Variants in PPP2R5C observed in about 807,000 individuals in gnomAD.
PPP2R5C encodes the protein serine/threonine-protein phosphatase 2A 56 kDa regulatory subunit gamma isoform.
PPP2R5C carries 7 observed loss-of-function variants against 68.9 expected under a neutral mutation model. The observed-to-expected ratio is 0.10, with a 90% CI of 0.06 to 0.19. The LOEUF is 0.19. Ranked by LOEUF, PPP2R5C falls within the 10% of genes least tolerant of loss-of-function variation. PPP2R5C has a pLI of 1.00. For missense variants in PPP2R5C, 348 were observed against 641.3 expected, an observed-to-expected ratio of 0.54 and a Z score of 4.94; for synonymous variants, 210 against 222.2, an observed-to-expected ratio of 0.95 and a Z score of 0.49.
At chr14:101,857,912 T>A (rs1002024402) in intron 2 of PPP2R5C, among the ~76,000 whole-genome samples, 1 of 152,230 alleles carries the variant, frequency 6.6e-6, no homozygotes, top group Non-Finnish European at 1.5e-5. Context: ...TTTATTTCCT[T>A]CTTTAGTATG....
chr14:101,896,578 A>G (rs2045342063), intron 8 of PPP2R5C, among the ~76,000 whole-genome samples: 2 of 150,858 alleles, frequency 1.3e-5, no homozygotes, highest in African/African-American at 2.4e-5. Context: ...TACAAAAAAT[A>G]CAAAAATTAG....
intron 2 of PPP2R5C, among the ~76,000 whole-genome samples, chr14:101,866,863 C>T (rs2043101668): frequency 6.6e-6 from 1 of 152,072 alleles, no homozygotes; most frequent in Admixed American, 6.5e-5. Flanking sequence ...AGGAGGATCA[C>T]TTGAGATCAG....
chr14:101,762,825 T>C, intron 1 of PPP2R5C, 80 bp from the exon 2 acceptor site: 1 of 1,193,426 alleles, frequency 8.4e-7, no homozygotes, highest in South Asian at 1.3e-5. Context: ...TAAATCACTT[T>C]TAAAACTGCA....
At chr14:101,839,081 GT>G (rs2041299788) in intron 1 of PPP2R5C, 12 of 150,784 alleles carry the variant, frequency 8.0e-5, no homozygotes, top group African/African-American at 2.7e-4. Flanking sequence ...GCCGGGTGCG[GT>G]GGCTCATGCC....
chr14:101,889,951 G>A (rs1357378992), intron 5 of PPP2R5C: 4 of 537,448 alleles, frequency 7.4e-6, no homozygotes, highest in East Asian at 9.1e-5. Context: ...TGAAATGGGT[G>A]TTCACTGTAG....
At chr14:101,851,544 G>C (rs1419714803) in intron 1 of PPP2R5C, among the ~76,000 whole-genome samples, 1 of 152,170 alleles carries the variant, frequency 6.6e-6, no homozygotes, top group Non-Finnish European at 1.5e-5. Flanking sequence ...AATATTACGT[G>C]AGTGACCAGG....
At position 101,916,807 on chromosome 14, in the gene PPP2R5C, C is replaced by G. The variant is rs1439146967; in HGVS notation, c.1327-1024C>G. On this transcript the variant is annotated intron_variant, in intron 12 of 13. Coordinates refer to ENST00000334743, the Ensembl canonical transcript of PPP2R5C. The surrounding 1 kb of genome is among the most constrained non-coding windows in gnomAD (Gnocchi z 5.5). ...AAAGAGGCCGAAGCTGTGGGACTCACTGGGCAGAGAATGGAGGGGTGTGGA... is the reference window on the plus strand; with the variant it reads ...AAAGAGGCCGAAGCTGTGGGACTCAGTGGGCAGAGAATGGAGGGGTGTGGA... Among the ~76,000 whole-genome samples the G allele has an allele frequency of 6.6e-6, 1 of 152,092 alleles. No homozygotes were observed. The highest frequency in any genetic ancestry group is 2.1e-4 in the South Asian group (1 of 4,826).
At chr14:101,912,270 G>A in intron 11 of PPP2R5C, 131 bp from the exon 14 acceptor site, 4 of 613,182 alleles carry the variant, frequency 6.5e-6, no homozygotes, top group Non-Finnish European at 1.1e-5. Flanking sequence ...GCACGTAAGT[G>A]TGGGGAAATG....
At position 101,762,892 on chromosome 14, in the gene PPP2R5C, T is replaced by G; in HGVS notation, c.28-13T>G. On this transcript the variant is annotated splice_polypyrimidine_tract_variant and intron_variant, in intron 1 of 14. Coordinates refer to the PPP2R5C transcript ENST00000328724. ...AGTGAGAAGACTAATTGACTTTGCT[T>G]GATGTTTACCAGGAATCACCAAAAG... is the stretch of plus-strand genomic sequence containing the variant. 1 of 1,576,324 alleles carries G rather than the reference T, an allele frequency of 6.3e-7. No homozygotes were observed. Among genetic ancestry groups the G allele is most frequent in the Non-Finnish European group, 8.6e-7 (1 of 1,159,872 alleles).
At chr14:101,873,825 A>T (rs1479711141) in intron 2 of PPP2R5C, among the ~76,000 whole-genome samples, 2 of 152,122 alleles carry the variant, frequency 1.3e-5, no homozygotes, top group Non-Finnish European at 2.9e-5. Flanking sequence ...AAAATCTATC[A>T]AGGCAGGAGC....
At chr14:101,914,912 G>A (rs2046579850) in intron 12 of PPP2R5C, among the ~76,000 whole-genome samples, 1 of 152,206 alleles carries the variant, frequency 6.6e-6, no homozygotes, top group East Asian at 1.9e-4. Context: ...GCACTTCTGT[G>A]AGACTCAGAG....
rs3993402 is a variant in PPP2R5C at position 101,771,222 on chromosome 14, C to CGTGTGTGTGTGTGTGT, written c.93+8279_93+8294dup. Among the ~76,000 whole-genome samples, 43 of 135,488 alleles carry CGTGTGTGTGTGTGTGT rather than the reference C, an allele frequency of 3.2e-4. 1 individual carries two copies. Among genetic ancestry groups the CGTGTGTGTGTGTGTGT allele is most frequent in the East Asian group, 1.1e-3 (5 of 4,360 alleles). The allele number at this position is 135,488 out of a possible 152,430, so 88.9% of individuals were successfully genotyped here. A position where few individuals can be genotyped will look rare whatever the true frequency, so the allele number is the denominator to read the frequency against. ...AGGGCATTTGGCTTTTTCTTCATCT[C>CGTGTGTGTGTGTGTGT]GTGTGTGTGTGTGTGTGTGTGTGTG... On this transcript the variant is annotated intron_variant, in intron 2 of 14. Transcript: ENST00000328724.
At chr14:101,816,073 T>G (rs2039648044) in intron 1 of PPP2R5C, among the ~76,000 whole-genome samples, 1 of 152,236 alleles carries the variant, frequency 6.6e-6, no homozygotes, top group Non-Finnish European at 1.5e-5. Flanking sequence ...GTAGTTAACG[T>G]ATTTCAATGA....
chr14:101,790,705 G>A (rs966389170), intron 3 of PPP2R5C, among the ~76,000 whole-genome samples: 7 of 152,230 alleles, frequency 4.6e-5, no homozygotes, highest in South Asian at 2.1e-4. Flanking sequence ...AGAAGTCTGT[G>A]CGAGCAGATA....
intron 2 of PPP2R5C, among the ~76,000 whole-genome samples, chr14:101,771,759 A>T (rs979892959): frequency 6.6e-6 from 1 of 151,992 alleles, no homozygotes; most frequent in African/African-American, 2.4e-5. Context: ...CCCCCAAGAG[A>T]TTAATTTCAG....
intron 1 of PPP2R5C, chr14:101,819,123 T>A: frequency 6.8e-7 from 1 of 1,481,072 alleles, no homozygotes; most frequent in Non-Finnish European, 9.2e-7. Flanking sequence ...GTGTTTACAT[T>A]TGTAGACAGT....
intron 1 of PPP2R5C, among the ~76,000 whole-genome samples, chr14:101,841,990 C>T (rs1296993767): frequency 2.6e-5 from 4 of 152,116 alleles, no homozygotes; most frequent in Admixed American, 6.5e-5. Context: ...GTCCAGCTCA[C>T]GGAGGCCCCC....
chr14:101,787,726 C>CA (rs1431493570), intron 3 of PPP2R5C, among the ~76,000 whole-genome samples: 1 of 145,090 alleles, frequency 6.9e-6, no homozygotes, highest in Admixed American at 7.1e-5. Context: ...GAGATCGTGC[C>CA]ACTGCACTCC....
Position 101,777,611 on chromosome 14 carries a change from A to C in PPP2R5C, c.94-8407A>C, listed in dbSNP as rs1015676842. On this transcript the variant is annotated intron_variant, in intron 2 of 14. Coordinates refer to the PPP2R5C transcript ENST00000328724. ...GTGATCCACCCATCTCGGCCTCCCA[A>C]GGTGCTGGGATTACAAGCTTGAGCC... Among the ~76,000 whole-genome samples the C allele has an allele frequency of 1.3e-5, 2 of 152,278 alleles. 1 individual carries two copies. Among genetic ancestry groups the C allele is most frequent in the South Asian group, 4.1e-4 (2 of 4,828 alleles).
Sources: allele counts gnomAD v4.1 joint callset (sites outside exome capture counted in the v4.1 genomes callset), GRCh38; gene constraint gnomAD v4.1.1; non-coding constraint Gnocchi (gnomAD v3.1); transcripts MANE v1.5; gene names NCBI Gene and HGNC (gene_info 2026-07-23, HGNC 2026-07-21).